The following SPI1 variants were observed in gnomAD, a reference collection of about 807,000 sequenced individuals.
SPI1 encodes the protein Spi-1 proto-oncogene, also known as transcription factor PU.1.
In SPI1, 3 loss-of-function variants were observed where a neutral mutation model predicts 30.7. The observed-to-expected ratio is 0.10, with a 90% CI of 0.04 to 0.25. The LOEUF is 0.25. SPI1 is among the 10% of genes least tolerant of loss of function. The probability of loss-of-function intolerance (pLI) is 1.00; values close to 1 mark genes in which losing one functional copy is unlikely to be tolerated. For missense variants in SPI1, 261 were observed against 371.5 expected (o/e 0.70, Z 2.45); for synonymous variants, 169 against 157.1 (o/e 1.08, Z -0.56).
At chr11:47,366,095 C>T (rs2095927816) in intron 2 of SPI1, among the ~76,000 whole-genome samples, 1 of 152,176 alleles carries the variant, frequency 6.6e-6, no homozygotes, top group South Asian at 2.1e-4. Context: ...TTCATCCCCC[C>T]ATCATCCACC....
At chr11:47,367,730 G>C (rs2095930376) in intron 2 of SPI1, among the ~76,000 whole-genome samples, 1 of 149,392 alleles carries the variant, frequency 6.7e-6, no homozygotes, top group Admixed American at 6.7e-5. Context: ...GCCACTATGG[G>C]AAATAGATGA....
At chr11:47,356,558 G>C (rs904591309) in intron 4 of SPI1, among the ~76,000 whole-genome samples, 1 of 149,742 alleles carries the variant, frequency 6.7e-6, no homozygotes, top group African/African-American at 2.5e-5. Context: ...ACACACTCAT[G>C]TTCACACACC....
Position 47,378,490 on chromosome 11 carries a change from G to A in SPI1, c.-137C>T, listed in dbSNP as rs571624354. 1.1e-6 allele frequency: 1 copy of A among 880,426 alleles called. No individual in the cohort carries two copies. 54.5% of individuals were successfully genotyped at this position (880,426 alleles called of 1,614,324 possible). A position where few individuals can be genotyped will look rare whatever the true frequency, so the allele number is the denominator to read the frequency against. ...CTCAGGCCTGCCCCCTGAGCTACAG[G>A]AGCCCTGGGTGAGCCCCCTCCCTTG... On this transcript the variant is annotated 5_prime_UTR_variant, in exon 1 of 5. Transcript: ENST00000378538.
intron 2 of SPI1, among the ~76,000 whole-genome samples, chr11:47,362,591 T>C (rs1249233133): frequency 7.1e-6 from 1 of 141,330 alleles, no homozygotes; most frequent in Admixed American, 7.1e-5. Context: ...TTTTTTTTTT[T>C]CTCTGAGATG....
At chr11:47,362,400 T>A (rs1471091699) in intron 2 of SPI1, among the ~76,000 whole-genome samples, 1 of 152,012 alleles carries the variant, frequency 6.6e-6, no homozygotes, top group Non-Finnish European at 1.5e-5. Flanking sequence ...TGAGACCCTA[T>A]CTCTACAAAA....
intron 2 of SPI1, among the ~76,000 whole-genome samples, chr11:47,364,094 A>G (rs990378126): frequency 1.4e-4 from 20 of 140,104 alleles, no homozygotes; most frequent in African/African-American, 5.3e-4. Context: ...TCTGTCGCCC[A>G]GGCTGGAGTG....
intron 4 of SPI1, among the ~76,000 whole-genome samples, chr11:47,356,916 TCA>T (rs1169218617): frequency 2.9e-5 from 4 of 136,216 alleles, no homozygotes; most frequent in East Asian, 2.2e-4. Context: ...ACACTTGTGC[TCA>T]CACACCTCAC....
chr11:47,365,275 G>T (rs2095926660), intron 2 of SPI1, among the ~76,000 whole-genome samples: 1 of 152,138 alleles, frequency 6.6e-6, no homozygotes, highest in Non-Finnish European at 1.5e-5. Context: ...CTCCTCGAAA[G>T]AATATAATGT....
At chr11:47,363,289 G>A (rs1277220939) in intron 2 of SPI1, among the ~76,000 whole-genome samples, 1 of 152,248 alleles carries the variant, frequency 6.6e-6, no homozygotes, top group Non-Finnish European at 1.5e-5. Context: ...GGGAGGCCAA[G>A]GCGAGCGAAT....
rs766172098 is a variant in SPI1 at position 47,359,996 on chromosome 11, C to T, written c.187G>A (p.Glu63Lys). Residue 63 changes from glutamate to lysine, a missense_variant, in exon 3 of 5, where the codon GAG (glutamate) becomes AAG (lysine). Physicochemically the swap from Glu to Lys is moderately conservative, Grantham distance 56. Coordinates refer to ENST00000378538, the MANE Select transcript of SPI1 (RefSeq NM_003120.3). The surrounding 1 kb of genome is among the most constrained non-coding windows in gnomAD (Gnocchi z 5.1). ...FHPHHVHSEF[E>K]SFAENNFTEL... ...GTGAAGTTGTTCTCGGCGAAGCTCT[C>T]GAACTCGCTGTGCACGTGGTGGGGG... 1.2e-6 allele frequency: 2 copies of T among 1,601,882 alleles called. No homozygotes were observed. Among genetic ancestry groups the T allele is most frequent in the Non-Finnish European group, 1.7e-6 (2 of 1,173,172 alleles).
chr11:47,356,577 C>G (rs962722966), intron 4 of SPI1, among the ~76,000 whole-genome samples: 1 of 151,832 alleles, frequency 6.6e-6, no homozygotes, highest in Non-Finnish European at 1.5e-5. Flanking sequence ...CCTGCTCATA[C>G]ACCTCACACC....
chr11:47,373,270 T>G (rs990487282), intron 2 of SPI1, among the ~76,000 whole-genome samples: 5 of 152,048 alleles, frequency 3.3e-5, no homozygotes, highest in Admixed American at 3.3e-4. Flanking sequence ...GAGAATCGCT[T>G]GAATCCGGGA....
chr11:47,358,443 CACAA>C, intron 4 of SPI1: 1 of 635,690 alleles, frequency 1.6e-6, no homozygotes, highest in South Asian at 1.8e-5. Context: ...TTGACAGACA[CACAA>C]ACATGGCCAC....
Position 47,355,144 on chromosome 11 carries a change from G to GAGGCCC in SPI1, c.*82_*83insGGGCCT. 1.8e-6 allele frequency: 2 copies of GAGGCCC among 1,129,170 alleles called. No homozygotes were observed. Among genetic ancestry groups the GAGGCCC allele is most frequent in the Non-Finnish European group, 2.2e-6 (2 of 892,090 alleles). 69.9% of individuals were successfully genotyped at this position (1,129,170 alleles called of 1,614,324 possible). ...AGTCCTGCCTCTGGGCCCCGGGAGC[G>GAGGCCC]TCCTCCCTGTGTCCGGGCCGGGCGA... is the stretch of plus-strand genomic sequence containing the variant. On this transcript the variant is annotated 3_prime_UTR_variant, in exon 5 of 5. Transcript: ENST00000378538.
intron 4 of SPI1, chr11:47,358,267 T>C: frequency 2.2e-6 from 1 of 446,396 alleles, no homozygotes; most frequent in Non-Finnish European, 4.1e-6. Flanking sequence ...CTCACACACC[T>C]GCTGTCACAC....
At chr11:47,370,976 C>T (rs1303163031) in intron 2 of SPI1, among the ~76,000 whole-genome samples, 1 of 152,108 alleles carries the variant, frequency 6.6e-6, no homozygotes, top group Non-Finnish European at 1.5e-5. Flanking sequence ...CTGCCTGACA[C>T]ATCAAAGGCA....
At chr11:47,356,103 A>C (rs11602132) in intron 4 of SPI1, among the ~76,000 whole-genome samples, 151,203 of 151,918 alleles carry the variant, frequency 1, 75,249 homozygotes, top group Middle Eastern at 1. Context: ...AATGCACCCA[A>C]ACGCCAGATT....
intron 1 of SPI1, among the ~76,000 whole-genome samples, chr11:47,376,092 C>T (rs565204016): frequency 6.6e-6 from 1 of 152,116 alleles, no homozygotes; most frequent in South Asian, 2.1e-4. Flanking sequence ...CTGTGTCACC[C>T]TCACACTCAT....
rs1020891846 is a variant in SPI1 at position 47,358,825 on chromosome 11, G to C, written c.493+19C>G. ...ACACGGCCAGGGTCGGGGCCAGGGTGGAGGGCCAGGTGCCCCACCTGTCTC... is the reference window on the plus strand; with the variant it reads ...ACACGGCCAGGGTCGGGGCCAGGGTCGAGGGCCAGGTGCCCCACCTGTCTC... On this transcript the variant is annotated intron_variant, in intron 4 of 4. Coordinates refer to ENST00000378538, the MANE Select transcript of SPI1 (RefSeq NM_003120.3). The C allele has an allele frequency of 7.7e-6, 12 of 1,548,448 alleles. No homozygotes were observed. In the Middle Eastern group the frequency reaches 5.2e-4, roughly 67 times the overall value.
Sources: gnomAD v4.1 joint callset for allele counts (sites outside exome capture counted in the v4.1 genomes callset) on GRCh38, gnomAD v4.1.1 for gene constraint, Gnocchi (gnomAD v3.1) non-coding constraint, MANE v1.5 for transcripts, NCBI Gene and HGNC (gene_info 2026-07-23, HGNC 2026-07-21) for gene names.